BICDL1: variants seen among roughly 807,000 people sequenced by gnomAD.
BICDL1 encodes the protein BICD family-like cargo adapter 1.
In BICDL1, 20 loss-of-function variants were observed where a neutral mutation model predicts 76.8. The observed-to-expected ratio is 0.26, with a 90% CI of 0.18 to 0.38. BICDL1 has a LOEUF of 0.38. Ranked by LOEUF, BICDL1 falls within the 10% of genes least tolerant of loss-of-function variation. The pLI, the probability that BICDL1 is intolerant of heterozygous loss-of-function variation, is 1.00. For synonymous variants in BICDL1, 383 were observed against 337.1 expected, an observed-to-expected ratio of 1.14 and a Z score of -1.49; for missense variants, 700 against 798.6, an observed-to-expected ratio of 0.88 and a Z score of 1.49.
chr12:120,043,324 A>T (rs946727420), intron 2 of BICDL1, among the ~76,000 whole-genome samples: 8 of 152,218 alleles, frequency 5.3e-5, no homozygotes, highest in African/African-American at 1.9e-4. Context: ...CCAAGTACAC[A>T]TATTTTGGGG....
chr12:120,065,964 T>G (rs1953211262), intron 4 of BICDL1, among the ~76,000 whole-genome samples: 1 of 152,220 alleles, frequency 6.6e-6, no homozygotes, highest in Middle Eastern at 3.2e-3. Flanking sequence ...TTTCCATATA[T>G]TAATAGTAGT....
chr12:120,094,048 G>A lies in BICDL1; in HGVS notation c.*887G>A, dbSNP rs1875210528. 17 of 383,074 alleles carry A rather than the reference G, an allele frequency of 4.4e-5. No individual in the cohort carries two copies. The highest frequency in any genetic ancestry group is 2.8e-4 in the South Asian group (15 of 54,142). 23.7% of individuals were successfully genotyped at this position (383,074 alleles called of 1,614,324 possible). A position where few individuals can be genotyped will look rare whatever the true frequency, so the allele number is the denominator to read the frequency against. Reference sequence around the variant, plus strand: ...CCACTGAATGGCACCAGAGGGGTCTGTGGTCAGCCACCCCACCTTGAGGGC... The same window carrying A: ...CCACTGAATGGCACCAGAGGGGTCTATGGTCAGCCACCCCACCTTGAGGGC... On this transcript the variant is annotated 3_prime_UTR_variant, in exon 10 of 10. Coordinates refer to ENST00000548673, the MANE Select transcript of BICDL1 (RefSeq NM_001367886.1).
chr12:120,018,351 A>G lies in BICDL1; in HGVS notation c.645+19615A>G, dbSNP rs1218251121. 2.6e-5 allele frequency among the ~76,000 whole-genome samples: 4 copies of G among 152,296 alleles called. No individual in the cohort carries two copies. The East Asian group carries it at 7.7e-4, about 29-fold the overall frequency. On this transcript the variant is annotated intron_variant, in intron 2 of 9. Transcript: ENST00000548673. ...GTTACAACTTAATTCCTTCATTGGT[A>G]AGGAAATTGAACAAAATGGACTCTC...
intron 8 of BICDL1, among the ~76,000 whole-genome samples, chr12:120,088,459 C>T (rs1337224110): frequency 6.6e-6 from 1 of 151,684 alleles, no homozygotes; most frequent in Non-Finnish European, 1.5e-5. Context: ...CAGGTTCAAG[C>T]GATTCTCCTG....
chr12:120,044,261 T>A (rs535389013), intron 2 of BICDL1, among the ~76,000 whole-genome samples: 24 of 152,356 alleles, frequency 1.6e-4, no homozygotes, highest in African/African-American at 4.8e-4. Flanking sequence ...AACCTTCTTT[T>A]TAGGTCTAAG....
At chr12:120,051,250 G>A (rs1952853871) in intron 2 of BICDL1, among the ~76,000 whole-genome samples, 1 of 151,876 alleles carries the variant, frequency 6.6e-6, no homozygotes, top group African/African-American at 2.4e-5. Context: ...ATTTCACCAT[G>A]TTGGCCAGGC....
intron 2 of BICDL1, among the ~76,000 whole-genome samples, chr12:120,052,263 T>TTCTC (rs564491804): frequency 1.1e-5 from 1 of 94,268 alleles, no homozygotes; most frequent in African/African-American, 4.0e-5. Flanking sequence ...TCCCCTCCCC[T>TTCTC]TCTCTCTCTC....
intron 2 of BICDL1, 98 bp downstream of exon 2, chr12:119,998,834 C>T: frequency 1.7e-6 from 2 of 1,201,380 alleles, no homozygotes; most frequent in Non-Finnish European, 2.3e-6. Flanking sequence ...TTCGGGAGGC[C>T]AAGGTGGGAG....
At chr12:120,005,210 T>C (rs1196399317) in intron 2 of BICDL1, among the ~76,000 whole-genome samples, 2 of 152,208 alleles carry the variant, frequency 1.3e-5, no homozygotes, top group African/African-American at 4.8e-5. Context: ...ATTGAGACAA[T>C]AGAGAAATGT....
chr12:120,028,637 T>C (rs1048338967), intron 2 of BICDL1, among the ~76,000 whole-genome samples: 5 of 152,064 alleles, frequency 3.3e-5, no homozygotes, highest in African/African-American at 1.2e-4. Context: ...GATCGCCCAC[T>C]GCACACTCCA....
At chr12:120,091,597 A>G (rs1874976067) in intron 9 of BICDL1, 1 of 984,496 alleles carries the variant, frequency 1.0e-6, no homozygotes, top group South Asian at 4.7e-5. Context: ...AGAAGGGAAG[A>G]AGACAAGGGC....
At chr12:120,070,237 A>G (rs1872984256) in intron 4 of BICDL1, among the ~76,000 whole-genome samples, 1 of 152,166 alleles carries the variant, frequency 6.6e-6, no homozygotes, top group African/African-American at 2.4e-5. Context: ...TACTCCCACC[A>G]GCATTGCCCC....
intron 2 of BICDL1, among the ~76,000 whole-genome samples, chr12:120,013,579 A>G (rs947105683): frequency 2.6e-5 from 4 of 151,414 alleles, no homozygotes; most frequent in Admixed American, 1.3e-4. Flanking sequence ...CTCCTGCCTC[A>G]GCCTCCTGAG....
Position 120,091,636 on chromosome 12 carries a change from TGAAA to T in BICDL1, c.1705-1361_1705-1358del, listed in dbSNP as rs947278702. On this transcript the variant is annotated intron_variant, in intron 9 of 9. Coordinates refer to ENST00000548673, the MANE Select transcript of BICDL1 (RefSeq NM_001367886.1). ...GAGAAGACCAGGAATGAGCTGAGTC[TGAAA>T]GACAGGGTTGAGAGAATAGGGAGGC... is the stretch of plus-strand genomic sequence containing the variant. 11 of 984,906 alleles carry T rather than the reference TGAAA, an allele frequency of 1.1e-5. No individual in the cohort carries two copies. The African/African-American group carries it at 1.6e-4, about 14-fold the overall frequency. 61.0% of individuals were successfully genotyped at this position (984,906 alleles called of 1,614,324 possible).
chr12:120,004,264 A>G (rs1261369838), intron 2 of BICDL1, among the ~76,000 whole-genome samples: 2 of 152,134 alleles, frequency 1.3e-5, no homozygotes, highest in Non-Finnish European at 2.9e-5. Flanking sequence ...ACAGTGCTAC[A>G]AGTGTCTCTA....
chr12:119,989,880 C>T lies in BICDL1; in HGVS notation c.12C>T (p.Phe4=). 1.4e-6 allele frequency: 2 copies of T among 1,421,706 alleles called. No individual in the cohort carries two copies. The highest frequency in any genetic ancestry group is 1.8e-6 in the Non-Finnish European group (2 of 1,099,310). The allele number at this position is 1,421,706 out of a possible 1,614,324, so 88.1% of individuals were successfully genotyped here. Residue 4 remains phenylalanine (F), a synonymous_variant, in exon 1 of 10, where the codon TTC becomes TTT. Coordinates refer to ENST00000548673, the MANE Select transcript of BICDL1 (RefSeq NM_001367886.1). ...CGCGCGCGCGGGCCATGTCCGCTTT[C>T]TGCCTGGGCTTGGTCGGCCGCGCTT... MSA[F]CLGLVGRASA...
At chr12:120,057,809 C>T (rs904930285) in intron 2 of BICDL1, among the ~76,000 whole-genome samples, 3 of 137,074 alleles carry the variant, frequency 2.2e-5, no homozygotes, top group Admixed American at 7.4e-5. Flanking sequence ...AGGAGGCCAG[C>T]GATTCCTGCT....
At chr12:120,063,003 AAC>A (rs1953139160) in intron 3 of BICDL1, among the ~76,000 whole-genome samples, 1 of 152,178 alleles carries the variant, frequency 6.6e-6, no homozygotes, top group Non-Finnish European at 1.5e-5. Flanking sequence ...TTGGTGGCCT[AAC>A]ACTGATTCCC....
chr12:120,003,157 T>TA (rs1307338043), intron 2 of BICDL1, among the ~76,000 whole-genome samples: 3 of 69,422 alleles, frequency 4.3e-5, no homozygotes, highest in Admixed American at 1.7e-4. Flanking sequence ...GACCCCATCT[T>TA]TAAAAAAAAA....
Sources: allele counts gnomAD v4.1 joint callset (sites outside exome capture counted in the v4.1 genomes callset), GRCh38; gene constraint gnomAD v4.1.1; transcripts MANE v1.5; gene names NCBI Gene and HGNC (gene_info 2026-07-23, HGNC 2026-07-21).